LRRC20: variants seen among roughly 807,000 people sequenced by gnomAD.
LRRC20 encodes the protein leucine rich repeat containing 20.
A neutral mutation model predicts 14.4 loss-of-function variants in LRRC20; 11 were observed. That is an observed-to-expected ratio of 0.77 (90% CI 0.48 to 1.27). The LOEUF is 1.27. Ranked by LOEUF, LRRC20 falls within the 50% of genes most tolerant of loss-of-function variation. The pLI is 0.00. For synonymous variants in LRRC20, 121 were observed against 107.3 expected (o/e 1.13, Z -0.79); for missense variants, 219 against 251.2 (o/e 0.87, Z 0.87).
chr10:70,355,642 T>C (rs991930664), intron 2 of LRRC20, among the ~76,000 whole-genome samples: 1 of 152,196 alleles, frequency 6.6e-6, no homozygotes, highest in Non-Finnish European at 1.5e-5. Context: ...CATGGACTTG[T>C]ATATTGTGCA....
intron 3 of LRRC20, among the ~76,000 whole-genome samples, chr10:70,339,949 C>T (rs1382912028): frequency 6.6e-6 from 1 of 151,766 alleles, no homozygotes; most frequent in African/African-American, 2.4e-5. Flanking sequence ...GGTAAAACCC[C>T]ACCTCTATTA....
At position 70,358,219 on chromosome 10, in the gene LRRC20, T is replaced by C. The variant is rs77019675; in HGVS notation, c.83-17517A>G. Among the ~76,000 whole-genome samples the C allele has an allele frequency of 2.1e-3, 325 of 152,206 alleles. 6 individuals carry two copies. In the East Asian group the frequency reaches 0.039, roughly 18 times the overall value. ...CACAGAAATGAACACAGCCTATGTC[T>C]CTCCAAATGTGGGATGCACAAAACT... On this transcript the variant is annotated intron_variant, in intron 2 of 4. Coordinates refer to ENST00000446961, the MANE Select transcript of LRRC20 (RefSeq NM_001278212.2).
At chr10:70,342,437 G>GAT (rs775729176) in intron 2 of LRRC20, among the ~76,000 whole-genome samples, 1 of 151,968 alleles carries the variant, frequency 6.6e-6, no homozygotes, top group African/African-American at 2.4e-5. Flanking sequence ...CAATAAAGCT[G>GAT]ATATATATAC....
intron 3 of LRRC20, 30 bp downstream of exon 3, chr10:70,340,523 C>T (rs746107859): frequency 1.9e-6 from 3 of 1,613,280 alleles, no homozygotes; most frequent in South Asian, 2.2e-5. Flanking sequence ...GCTGGCCATG[C>T]CCTCCTGGCT....
intron 2 of LRRC20, among the ~76,000 whole-genome samples, chr10:70,342,395 T>A (rs983459895): frequency 2.0e-5 from 3 of 152,098 alleles, no homozygotes; most frequent in Admixed American, 1.3e-4. Context: ...ACACTTTAAG[T>A]GGATGAATTG....
At chr10:70,331,228 C>G (rs1201787968) in intron 3 of LRRC20, among the ~76,000 whole-genome samples, 1 of 152,188 alleles carries the variant, frequency 6.6e-6, no homozygotes, top group Non-Finnish European at 1.5e-5. Context: ...CATCAAGAAT[C>G]TTGCATGCAC....
intron 3 of LRRC20, among the ~76,000 whole-genome samples, chr10:70,325,976 T>A (rs1842302608): frequency 6.6e-6 from 1 of 152,100 alleles, no homozygotes; most frequent in South Asian, 2.1e-4. Flanking sequence ...TAAAGATAAA[T>A]GGTAAAATTC....
At chr10:70,327,760 A>G (rs531664609) in intron 3 of LRRC20, among the ~76,000 whole-genome samples, 3 of 151,812 alleles carry the variant, frequency 2.0e-5, no homozygotes, top group African/African-American at 7.3e-5. Context: ...AGAAACCCCA[A>G]CCTCTCCCCA....
intron 2 of LRRC20, among the ~76,000 whole-genome samples, chr10:70,356,892 C>A (rs1337887888): frequency 2.0e-5 from 3 of 151,890 alleles, no homozygotes; most frequent in Non-Finnish European, 4.4e-5. Context: ...CAAAAAAAAA[C>A]ACCTGTATAT....
chr10:70,378,413 C>A (rs553128646), intron 1 of LRRC20, among the ~76,000 whole-genome samples: 1 of 150,860 alleles, frequency 6.6e-6, no homozygotes, highest in Non-Finnish European at 1.5e-5. Context: ...GAGGCCTAGG[C>A]GGGTGGATCA....
intron 4 of LRRC20, among the ~76,000 whole-genome samples, chr10:70,308,385 T>C (rs552396059): frequency 2.6e-5 from 4 of 151,034 alleles, no homozygotes; most frequent in African/African-American, 7.3e-5. Flanking sequence ...AGAAGCGCTA[T>C]GCAGGAGTCC....
rs139678112 is a variant in LRRC20 at position 70,325,768 on chromosome 10, G to A, written c.233-1738C>T. Among the ~76,000 whole-genome samples, 564 of 152,330 alleles carry A rather than the reference G, an allele frequency of 3.7e-3. 2 individuals are homozygous for A. Among genetic ancestry groups the A allele is most frequent in the African/African-American group, 0.013 (537 of 41,576 alleles). On this transcript the variant is annotated intron_variant, in intron 3 of 4. Coordinates refer to ENST00000446961, the MANE Select transcript of LRRC20 (RefSeq NM_001278212.2). ...GGTGGTTGCGTGGGTGCCCTGCACT[G>A]TGGACGGGGCCCCCGGGCCCTCTGA...
chr10:70,305,329 T>C (rs1275464596), intron 4 of LRRC20, among the ~76,000 whole-genome samples: 3 of 152,320 alleles, frequency 2.0e-5, no homozygotes, highest in African/African-American at 4.8e-5. Flanking sequence ...AGTGCGCCAA[T>C]ATCTCTTCGA....
chr10:70,308,250 G>A (rs946565547), intron 4 of LRRC20, among the ~76,000 whole-genome samples: 1 of 152,206 alleles, frequency 6.6e-6, no homozygotes, highest in Admixed American at 6.5e-5. Flanking sequence ...AGAGACCACA[G>A]GAGGTAGGAG....
intron 2 of LRRC20, among the ~76,000 whole-genome samples, chr10:70,352,683 A>G (rs1021009557): frequency 6.6e-6 from 1 of 152,118 alleles, no homozygotes; most frequent in Admixed American, 6.6e-5. Flanking sequence ...GGCAGTGGGG[A>G]GTATATTGGA....
At chr10:70,334,314 A>T (rs1224849208) in intron 3 of LRRC20, among the ~76,000 whole-genome samples, 1 of 152,112 alleles carries the variant, frequency 6.6e-6, no homozygotes, top group African/African-American at 2.4e-5. Context: ...CCACTAAGTA[A>T]CATCAGCTAT....
intron 2 of LRRC20, among the ~76,000 whole-genome samples, chr10:70,350,196 C>T (rs1365824421): frequency 6.6e-6 from 1 of 152,224 alleles, no homozygotes; most frequent in African/African-American, 2.4e-5. Context: ...ATGCCAGGCT[C>T]CTCCAGCACC....
At chr10:70,367,081 T>C (rs1330664342) in intron 2 of LRRC20, among the ~76,000 whole-genome samples, 1 of 151,960 alleles carries the variant, frequency 6.6e-6, no homozygotes, top group East Asian at 1.9e-4. Flanking sequence ...CCCCAGCACT[T>C]TGGGAGGCTG....
At chr10:70,303,820 G>T (rs1841303529) in intron 4 of LRRC20, among the ~76,000 whole-genome samples, 1 of 152,106 alleles carries the variant, frequency 6.6e-6, no homozygotes, top group Non-Finnish European at 1.5e-5. Flanking sequence ...CTTGAAAATG[G>T]ACATAACTAA....
Sources: gnomAD v4.1 joint callset for allele counts (sites outside exome capture counted in the v4.1 genomes callset) on GRCh38, gnomAD v4.1.1 for gene constraint, MANE v1.5 for transcripts, NCBI Gene and HGNC (gene_info 2026-07-23, HGNC 2026-07-21) for gene names.